GALNT17: variants seen among roughly 807,000 people sequenced by gnomAD.
The protein encoded by GALNT17 is polypeptide N-acetylgalactosaminyltransferase 17.
GALNT17 carries 29 observed loss-of-function variants against 63.7 expected under a neutral mutation model. The observed-to-expected ratio is 0.46, with a 90% CI of 0.34 to 0.62. The LOEUF is 0.62. Among genes scored for constraint, GALNT17 ranks in the 20% least tolerant of loss-of-function variants. The pLI, the probability that GALNT17 is intolerant of heterozygous loss-of-function variation, is 0.01. For missense variants in GALNT17, 603 were observed against 799.6 expected, an observed-to-expected ratio of 0.75 and a Z score of 2.97; for synonymous variants, 305 against 318.3, an observed-to-expected ratio of 0.96 and a Z score of 0.45.
chr7:71,403,672 C>T (rs576503328), intron 3 of GALNT17, among the ~76,000 whole-genome samples: 33 of 152,286 alleles, frequency 2.2e-4, no homozygotes, highest in African/African-American at 6.5e-4. Context: ...GTCCTGAATA[C>T]GGAGCACCCC....
intron 6 of GALNT17, among the ~76,000 whole-genome samples, chr7:71,580,607 G>A (rs1292773909): frequency 6.6e-6 from 1 of 152,096 alleles, no homozygotes; most frequent in African/African-American, 2.4e-5. Context: ...TGGTGAGGAG[G>A]GGCTTGACCT....
chr7:71,571,571 T>A (rs1046454309), intron 6 of GALNT17, among the ~76,000 whole-genome samples, 169 bp downstream of exon 6: 2 of 152,158 alleles, frequency 1.3e-5, no homozygotes, highest in African/African-American at 4.8e-5. Flanking sequence ...CCTCCTTATG[T>A]AGGGAAACCT....
chr7:71,665,644 C>T lies in GALNT17; in HGVS notation c.1266+48C>T, dbSNP rs557725989. ...CACCACCCCAGTACAGTGATCCTTA[C>T]TGTTTGATCACTATTTATTTAATAA... On this transcript the variant is annotated intron_variant, in intron 7 of 10. Coordinates refer to ENST00000333538, the MANE Select transcript of GALNT17 (RefSeq NM_022479.3). 5.1e-6 allele frequency: 8 copies of T among 1,558,020 alleles called. No homozygotes were observed. The African/African-American group carries it at 5.6e-5, about 11-fold the overall frequency.
chr7:71,541,939 T>C (rs950196696), intron 5 of GALNT17, among the ~76,000 whole-genome samples: 1 of 152,236 alleles, frequency 6.6e-6, no homozygotes, highest in African/African-American at 2.4e-5. Context: ...ACGTCTTATT[T>C]AAGCAGAACA....
Position 71,309,621 on chromosome 7 carries a change from G to A in GALNT17, c.239-25929G>A, listed in dbSNP as rs568182163. The stretch of plus-strand genomic sequence containing the variant: ...TTAATTTCAAGAATTATTTGAGATA[G>A]TATTCAAGTTACATACTAGAGGAAT... On this transcript the variant is annotated intron_variant, in intron 1 of 10. Transcript: ENST00000333538. 4.6e-5 allele frequency among the ~76,000 whole-genome samples: 7 copies of A among 152,112 alleles called. No individual in the cohort carries two copies. The South Asian group carries it at 8.3e-4, about 18-fold the overall frequency.
chr7:71,253,056 A>G (rs1440729244), intron 1 of GALNT17, among the ~76,000 whole-genome samples: 1 of 152,196 alleles, frequency 6.6e-6, no homozygotes, highest in Non-Finnish European at 1.5e-5. Context: ...GAAATTGACT[A>G]TTCTTCTGCC....
In GALNT17 at chr7:71,478,748, A is replaced by AG. The variant is rs562307423; in HGVS notation, c.962+57644dup. ...TGGCTTCACAGACAAAGGTCTGTGA[A>AG]GATAGGGGTAGGAGGAGGATGAAAA... On this transcript the variant is annotated intron_variant, in intron 5 of 10. Transcript: ENST00000333538. Among the ~76,000 whole-genome samples, 7 of 152,264 alleles carry AG rather than the reference A, an allele frequency of 4.6e-5. No individual in the cohort carries two copies. In the East Asian group the frequency reaches 1.4e-3, roughly 29 times the overall value.
intron 1 of GALNT17, among the ~76,000 whole-genome samples, chr7:71,250,617 A>T (rs1258681403): frequency 6.6e-6 from 1 of 152,150 alleles, no homozygotes; most frequent in African/African-American, 2.4e-5. Flanking sequence ...GGCACCCTAG[A>T]CGTTTTTCCC....
intron 1 of GALNT17, among the ~76,000 whole-genome samples, chr7:71,237,539 A>AG (rs1168418724): frequency 1.3e-5 from 2 of 151,508 alleles, no homozygotes; most frequent in Non-Finnish European, 1.5e-5. Context: ...AAAAGAAAAA[A>AG]CAGGGCATAA....
chr7:71,497,510 T>A (rs1337190305), intron 5 of GALNT17, among the ~76,000 whole-genome samples: 1 of 152,168 alleles, frequency 6.6e-6, no homozygotes, highest in Non-Finnish European at 1.5e-5. Flanking sequence ...TACGGCCCAC[T>A]CTAATACCCT....
In GALNT17 at chr7:71,693,307, C is replaced by CATAT. The variant is rs1397260396; in HGVS notation, c.1500+16002_1500+16003insTATA. On this transcript the variant is annotated intron_variant, in intron 9 of 10. Coordinates refer to ENST00000333538, the MANE Select transcript of GALNT17 (RefSeq NM_022479.3). ...ACACACACACACACACACACACACA[C>CATAT]ACATATATATATATGGAGACAAGAC... Among the ~76,000 whole-genome samples, 20 of 126,672 alleles carry CATAT rather than the reference C, an allele frequency of 1.6e-4. No homozygotes were observed. In the East Asian group the frequency reaches 2.4e-3, roughly 15 times the overall value. 83.1% of individuals were successfully genotyped at this position (126,672 alleles called of 152,430 possible).
chr7:71,272,174 A>C (rs1790604295), intron 1 of GALNT17, among the ~76,000 whole-genome samples: 1 of 152,196 alleles, frequency 6.6e-6, no homozygotes, highest in Admixed American at 6.5e-5. Context: ...GATACATGCT[A>C]TTCCATGTAT....
intron 5 of GALNT17, among the ~76,000 whole-genome samples, chr7:71,440,712 C>T (rs1460719074): frequency 2.0e-5 from 3 of 152,128 alleles, no homozygotes; most frequent in Non-Finnish European, 2.9e-5. Flanking sequence ...CCCTTCTGGT[C>T]CTCCACGAAT....
intron 1 of GALNT17, among the ~76,000 whole-genome samples, chr7:71,247,821 TG>T (rs1248265502): frequency 1.3e-5 from 2 of 152,206 alleles, no homozygotes; most frequent in African/African-American, 4.8e-5. Flanking sequence ...ATACTATGTA[TG>T]TCATATGTAT....
At chr7:71,321,630 C>G (rs1276594545) in intron 1 of GALNT17, among the ~76,000 whole-genome samples, 4 of 134,656 alleles carry the variant, frequency 3.0e-5, no homozygotes, top group African/African-American at 8.2e-5. Context: ...TTTTTTGAGA[C>G]TGAGTCTTGC....
intron 1 of GALNT17, among the ~76,000 whole-genome samples, chr7:71,197,911 A>G (rs1789086314): frequency 6.6e-6 from 1 of 151,816 alleles, no homozygotes; most frequent in Admixed American, 6.6e-5. Flanking sequence ...TAAAAAGGGG[A>G]TGCAGGCCAG....
At chr7:71,409,017 A>AACACACAC (rs10674037) in intron 3 of GALNT17, among the ~76,000 whole-genome samples, 44,535 of 144,656 alleles carry the variant, frequency 0.31, 7,132 homozygotes, top group Non-Finnish European at 0.37. Context: ...CACATACACA[A>AACACACAC]ACACACACAC....
intron 6 of GALNT17, among the ~76,000 whole-genome samples, chr7:71,577,370 G>C (rs1789555678): frequency 6.6e-6 from 1 of 152,094 alleles, no homozygotes; most frequent in African/African-American, 2.4e-5. Flanking sequence ...TAAAACAAAA[G>C]TTGAAGTTTA....
chr7:71,607,085 T>C (rs1376708280), intron 6 of GALNT17, among the ~76,000 whole-genome samples: 2 of 152,060 alleles, frequency 1.3e-5, no homozygotes, highest in African/African-American at 4.8e-5. Flanking sequence ...GGTGGGAGGA[T>C]TGCTTGAGGC....
Sources: allele counts gnomAD v4.1 joint callset (sites outside exome capture counted in the v4.1 genomes callset), GRCh38; gene constraint gnomAD v4.1.1; transcripts MANE v1.5; gene names NCBI Gene and HGNC (gene_info 2026-07-23, HGNC 2026-07-21).